Variants in CDYL2 observed in about 807,000 individuals in gnomAD.
The protein encoded by CDYL2 is chromodomain Y like 2.
CDYL2 carries 23 observed loss-of-function variants against 49.4 expected under a neutral mutation model. The ratio of observed to expected loss-of-function variants is 0.47; its 90% confidence interval spans 0.34 to 0.66. The LOEUF (loss-of-function observed/expected upper bound fraction) is 0.66, where lower values mean the gene tolerates loss of function less well. Ranked by LOEUF, CDYL2 falls within the 30% of genes least tolerant of loss-of-function variation. The pLI is 0.01. For missense variants in CDYL2, 678 were observed against 656.4 expected (o/e 1.03, Z -0.36); for synonymous variants, 360 against 268.8 (o/e 1.34, Z -3.32).
chr16:80,619,216 C>A (rs1906967155), intron 4 of CDYL2, among the ~76,000 whole-genome samples: 1 of 152,214 alleles, frequency 6.6e-6, no homozygotes, highest in Non-Finnish European at 1.5e-5. Flanking sequence ...ACACTCCAAT[C>A]CAGGATGATC....
At chr16:80,747,283 G>A (rs1401468725) in intron 1 of CDYL2, among the ~76,000 whole-genome samples, 1 of 152,110 alleles carries the variant, frequency 6.6e-6, no homozygotes, top group African/African-American at 2.4e-5. Context: ...TGAAGAGTCT[G>A]GGTTCAAATC....
intron 2 of CDYL2, among the ~76,000 whole-genome samples, chr16:80,646,860 A>G (rs1336729673): frequency 6.6e-6 from 1 of 151,604 alleles, no homozygotes; most frequent in Non-Finnish European, 1.5e-5. Flanking sequence ...TGCCTGTAAG[A>G]AACACACTTC....
chr16:80,624,371 T>A (rs1175391043), intron 3 of CDYL2, among the ~76,000 whole-genome samples: 1 of 152,222 alleles, frequency 6.6e-6, no homozygotes, highest in African/African-American at 2.4e-5. Context: ...CTGCCCTGTA[T>A]GTGGATTTGA....
At chr16:80,699,211 G>A (rs1411426417) in intron 1 of CDYL2, among the ~76,000 whole-genome samples, 1 of 152,178 alleles carries the variant, frequency 6.6e-6, no homozygotes. Flanking sequence ...GTACTCTCAT[G>A]TTTACTGCAG....
intron 2 of CDYL2, among the ~76,000 whole-genome samples, chr16:80,657,875 C>T (rs1454680019): frequency 6.6e-6 from 1 of 152,044 alleles, no homozygotes; most frequent in South Asian, 2.1e-4. Flanking sequence ...TTATCTATAA[C>T]TGCAAAATAC....
At chr16:80,628,728 T>A (rs1907416766) in intron 3 of CDYL2, among the ~76,000 whole-genome samples, 1 of 152,256 alleles carries the variant, frequency 6.6e-6, no homozygotes. Flanking sequence ...TTACCATCTT[T>A]ATATCCCTTG....
intron 1 of CDYL2, among the ~76,000 whole-genome samples, chr16:80,765,557 C>A (rs1906690594): frequency 6.6e-6 from 1 of 151,722 alleles, no homozygotes; most frequent in Non-Finnish European, 1.5e-5. Flanking sequence ...TCTGCAGTTC[C>A]TAGGTATAAA....
intron 1 of CDYL2, among the ~76,000 whole-genome samples, chr16:80,749,113 G>C (rs1476111640): frequency 6.6e-6 from 1 of 151,882 alleles, no homozygotes; most frequent in Non-Finnish European, 1.5e-5. Context: ...AAAATATTAA[G>C]AGTGGGGAAT....
At chr16:80,692,115 C>G (rs1225441583) in intron 1 of CDYL2, among the ~76,000 whole-genome samples, 1 of 152,170 alleles carries the variant, frequency 6.6e-6, no homozygotes, top group East Asian at 1.9e-4. Flanking sequence ...AAAATCTAAA[C>G]AGGGCAGAAA....
Position 80,633,236 on chromosome 16 carries a change from C to G in CDYL2, c.617G>C (p.Gly206Ala). The part of the protein sequence containing the change: ...NHATLAENGL[G>A]SALTNGGLNL... ...CAATCCCCCGTTGGTCAGAGCAGAG[C>G]CTTCCAAAACCAGATAAACAATGTA... Residue 206 changes from glycine to alanine, a missense_variant and splice_region_variant, in exon 3 of 7, where the codon GGC becomes GCC. Coordinates refer to ENST00000570137, the MANE Select transcript of CDYL2 (RefSeq NM_152342.4). 6.2e-7 allele frequency: 1 copy of G among 1,610,280 alleles called. No homozygotes were observed. Among genetic ancestry groups the G allele is most frequent in the South Asian group, 1.1e-5 (1 of 91,030 alleles).
intron 2 of CDYL2, among the ~76,000 whole-genome samples, chr16:80,658,079 G>C (rs1479359334): frequency 7.0e-6 from 1 of 143,318 alleles, no homozygotes; most frequent in Non-Finnish European, 1.5e-5. Flanking sequence ...AAAAAGATGG[G>C]AAAATAACAT....
rs1253931751 is a variant in CDYL2 at position 80,598,504 on chromosome 16, T to C, written c.*5884A>G. The C allele has an allele frequency of 6.6e-6, 1 of 152,124 alleles. No homozygotes were observed. The highest frequency in any genetic ancestry group is 2.4e-5 in the African/African-American group (1 of 41,420). The allele number at this position is 152,124 out of a possible 1,614,324, so 9.4% of individuals were successfully genotyped here. On this transcript the variant is annotated 3_prime_UTR_variant, in exon 7 of 7. Transcript: ENST00000570137. ...TTCTCACACCTAACAGGAATTAGAA[T>C]GGGTCAATGAAGAACAAAAGGAGGC...
intron 1 of CDYL2, among the ~76,000 whole-genome samples, chr16:80,768,385 T>C (rs774652225): frequency 2.0e-5 from 3 of 152,214 alleles, no homozygotes; most frequent in Non-Finnish European, 4.4e-5. Context: ...CCATGTGTCT[T>C]AGACTATTCA....
intron 1 of CDYL2, among the ~76,000 whole-genome samples, chr16:80,700,124 G>C (rs1352206360): frequency 6.6e-6 from 1 of 152,212 alleles, no homozygotes; most frequent in African/African-American, 2.4e-5. Flanking sequence ...CTCCCAAAGT[G>C]CTGGGATTAC....
At chr16:80,634,937 GA>G (rs1907748534) in intron 2 of CDYL2, among the ~76,000 whole-genome samples, 1 of 152,196 alleles carries the variant, frequency 6.6e-6, no homozygotes, top group Non-Finnish European at 1.5e-5. Flanking sequence ...AGCTGTTCCA[GA>G]AAACAGGTTC....
intron 1 of CDYL2, among the ~76,000 whole-genome samples, chr16:80,764,432 A>T (rs1291855155): frequency 1.3e-5 from 2 of 152,176 alleles, no homozygotes; most frequent in Non-Finnish European, 2.9e-5. Context: ...ATTAAATTTT[A>T]GGACTGATGC....
chr16:80,639,720 A>G (rs1304199042), intron 2 of CDYL2: 1 of 455,954 alleles, frequency 2.2e-6, no homozygotes. Flanking sequence ...AAGAGGTAAG[A>G]AAAACAGTCT....
intron 1 of CDYL2, among the ~76,000 whole-genome samples, chr16:80,689,690 T>C (rs955745815): frequency 1.3e-5 from 2 of 152,150 alleles, no homozygotes; most frequent in Non-Finnish European, 1.5e-5. Context: ...ACGCATACAA[T>C]AACTCTTCAA....
At chr16:80,784,360 C>G (rs1050707031) in intron 1 of CDYL2, among the ~76,000 whole-genome samples, 1 of 152,102 alleles carries the variant, frequency 6.6e-6, no homozygotes. Flanking sequence ...TTTTTTCATT[C>G]ATATTATTTT....
Sources: allele counts gnomAD v4.1 joint callset (sites outside exome capture counted in the v4.1 genomes callset), GRCh38; gene constraint gnomAD v4.1.1; transcripts MANE v1.5; gene names NCBI Gene and HGNC (gene_info 2026-07-23, HGNC 2026-07-21).